BRSK2: variants seen among roughly 807,000 people sequenced by gnomAD.
The protein encoded by BRSK2 is BR serine/threonine kinase 2, also known as serine/threonine-protein kinase BRSK2.
Under a neutral mutation model 83.3 loss-of-function variants are expected in BRSK2, and 19 were observed. The observed-to-expected ratio is 0.23, with a 90% CI of 0.16 to 0.33. The LOEUF is 0.33. Among genes scored for constraint, BRSK2 ranks in the 10% least tolerant of loss-of-function variants. The pLI is 1.00. For synonymous variants in BRSK2, 519 were observed against 435.4 expected (o/e 1.19, Z -2.39); for missense variants, 798 against 1,042.3 (o/e 0.77, Z 3.23).
At chr11:1,441,130 G>A (rs1209658745) in intron 4 of BRSK2, among the ~76,000 whole-genome samples, 1 of 108,088 alleles carries the variant, frequency 9.3e-6, no homozygotes, top group Non-Finnish European at 1.8e-5. Flanking sequence ...CCCTCCATTA[G>A]CTACCCCTCA....
intron 3 of BRSK2, among the ~76,000 whole-genome samples, chr11:1,439,468 C>T (rs1337817531): frequency 2.7e-5 from 4 of 150,934 alleles, no homozygotes; most frequent in Non-Finnish European, 4.4e-5. Flanking sequence ...TGACAAGGGG[C>T]ATGGCTTCCT....
intron 18 of BRSK2, among the ~76,000 whole-genome samples, chr11:1,458,016 G>T (rs1023282798): frequency 1.3e-5 from 2 of 152,166 alleles, no homozygotes; most frequent in Admixed American, 6.5e-5. Flanking sequence ...GCCGTCGGCC[G>T]GCAGCAGCCT....
intron 4 of BRSK2, 77 bp from the exon 5 acceptor site, chr11:1,442,411 CTG>C: frequency 9.0e-7 from 1 of 1,113,870 alleles, no homozygotes; most frequent in Non-Finnish European, 1.4e-6. Context: ...GCAGTGGGCT[CTG>C]GGCAGGGGGT....
Position 1,443,519 on chromosome 11 carries a change from C to A in BRSK2, c.664C>A (p.Arg222=), listed in dbSNP as rs756897531. ...GALPFDDDNL[R]QLLEKVKRGV... is the part of the protein sequence containing the mutation. ...TCTGCCCTTCGACGATGACAACTTG[C>A]GACAGCTGCTGGAGAAGGTGAAGCG... Residue 222 remains arginine, a synonymous_variant, in exon 8 of 20, where the codon CGA becomes AGA. Transcript: ENST00000528841. 7.5e-6 allele frequency: 12 copies of A among 1,606,098 alleles called. No homozygotes were observed. The Admixed American group carries it at 1.7e-4, about 23-fold the overall frequency.
chr11:1,461,353 G>C lies in BRSK2; in HGVS notation c.*630G>C, dbSNP rs1010954607. The stretch of plus-strand genomic sequence containing the variant: ...AGGCCCGTGCCCCGCCTCCCTGGCT[G>C]CGCCGCCTCCGTGTAGTCTTGGCCT... On this transcript the variant is annotated 3_prime_UTR_variant, in exon 20 of 20. Transcript: ENST00000528841. The C allele has an allele frequency of 1.6e-4, 55 of 337,736 alleles. No individual in the cohort carries two copies. The highest frequency in any genetic ancestry group is 1.1e-3 in the African/African-American group (50 of 44,230). The allele number at this position is 337,736 out of a possible 1,614,324, so 20.9% of individuals were successfully genotyped here. A position where few individuals can be genotyped will look rare whatever the true frequency, so the allele number is the denominator to read the frequency against.
rs904375570 is a variant in BRSK2 at position 1,462,540 on chromosome 11, A to T, written c.*1817A>T. ...CCACGGAGATCGAGGACACGAAGCA[A>T]ACTGCCTCTTGCTTGCCTTCCCCTT... On this transcript the variant is annotated 3_prime_UTR_variant, in exon 20 of 20. Coordinates refer to ENST00000528841, the MANE Select transcript of BRSK2 (RefSeq NM_001256627.2). 2.6e-5 allele frequency: 4 copies of T among 152,274 alleles called. No homozygotes were observed. The highest frequency in any genetic ancestry group is 9.6e-5 in the African/African-American group (4 of 41,470). 9.4% of individuals were successfully genotyped at this position (152,274 alleles called of 1,614,324 possible). A position where few individuals can be genotyped will look rare whatever the true frequency, so the allele number is the denominator to read the frequency against.
intron 1 of BRSK2, among the ~76,000 whole-genome samples, chr11:1,428,284 C>T (rs1204297384): frequency 6.6e-6 from 1 of 152,204 alleles, no homozygotes; most frequent in Non-Finnish European, 1.5e-5. Context: ...CCACCTGCAG[C>T]CCCCAGACTC....
At chr11:1,460,461 C>G in intron 19 of BRSK2, 39 bp from the exon 20 acceptor site, 6 of 541,910 alleles carry the variant, frequency 1.1e-5, no homozygotes, top group South Asian at 4.2e-5. Flanking sequence ...TTCTTTTTTC[C>G]TTTTTTTTTT....
Position 1,445,837 on chromosome 11 carries a change from C to G in BRSK2, c.1156C>G (p.Leu386Val). 6.2e-7 allele frequency: 1 copy of G among 1,612,430 alleles called. No individual in the cohort carries two copies. The highest frequency in any genetic ancestry group is 1.1e-5 in the South Asian group (1 of 91,066). Residue 386 changes from leucine (L) to valine (V), a missense_variant, in exon 12 of 20, where the codon CTC becomes GTC. By Grantham distance (32) the Leu-to-Val change is conservative. Around this residue, in one of 6 missense-constraint regions of BRSK2, gnomAD observed 51 missense variants for 52.6 expected, o/e 0.97. Coordinates refer to ENST00000528841, the MANE Select transcript of BRSK2 (RefSeq NM_001256627.2). ...GCCAGAACGCAAATCCATGGAGGTG[C>G]TCAGCGTGACGGACGGCGGCTCCCC... ...RRPERKSMEV[L>V]SVTDGGSPVP...
Position 1,454,324 on chromosome 11 carries a change from G to A in BRSK2, c.1545-161G>A, listed in dbSNP as rs981248247. On this transcript the variant is annotated intron_variant, in intron 15 of 19. Coordinates refer to ENST00000528841, the MANE Select transcript of BRSK2 (RefSeq NM_001256627.2). This position sits in a 1 kb window ranked among gnomAD's most constrained non-coding sequence, Gnocchi z 5.2. ...AGGGCATATGGGCTAGGGTTAGGGC[G>A]TTGGGGTCAGGGCCATGGGTTCTGG... is the stretch of plus-strand genomic sequence containing the variant. 45 of 802,426 alleles carry A rather than the reference G, an allele frequency of 5.6e-5. No homozygotes were observed. Among genetic ancestry groups the A allele is most frequent in the South Asian group, 5.3e-4 (33 of 62,204 alleles). 49.7% of individuals were successfully genotyped at this position (802,426 alleles called of 1,614,324 possible).
intron 18 of BRSK2, 78 bp downstream of exon 18, chr11:1,456,765 G>A (rs528076912): frequency 2.6e-5 from 38 of 1,453,472 alleles, no homozygotes; most frequent in South Asian, 7.5e-5. Flanking sequence ...GACGGGAGGC[G>A]TGAGGACCCG....
chr11:1,404,300 T>A (rs1245206449), intron 1 of BRSK2, among the ~76,000 whole-genome samples: 2 of 152,196 alleles, frequency 1.3e-5, no homozygotes, highest in Admixed American at 6.5e-5. Context: ...CCCCGTGTCC[T>A]TGATGCTGCC....
Position 1,461,172 on chromosome 11 carries a change from C to T in BRSK2, c.*449C>T. On this transcript the variant is annotated 3_prime_UTR_variant, in exon 20 of 20. Transcript: ENST00000528841. ...AGGAAGGCCAGGCTCGGGGGAGCCT[C>T]CTCCAGCCCGGCCGACCCGGACTCC... The T allele has an allele frequency of 2.2e-6, 2 of 922,626 alleles. No homozygotes were observed. The highest frequency in any genetic ancestry group is 1.6e-6 in the Non-Finnish European group (1 of 639,066). The allele number at this position is 922,626 out of a possible 1,614,324, so 57.2% of individuals were successfully genotyped here. A position where few individuals can be genotyped will look rare whatever the true frequency, so the allele number is the denominator to read the frequency against.
chr11:1,391,278 C>G (rs987252813), intron 1 of BRSK2, among the ~76,000 whole-genome samples: 2 of 152,172 alleles, frequency 1.3e-5, no homozygotes, highest in African/African-American at 4.8e-5. Flanking sequence ...CGGCCTGTCT[C>G]TTGGTGTCCC....
rs1378656106 is a variant in BRSK2, at chr11:1,396,597, G to A, written c.91+6222G>A. ...CGTCGGCCACTGGCGCTCAGGAGGA[G>A]CCGTCGGGAAGGCCCCTTTGCCATC... On this transcript the variant is annotated intron_variant, in intron 1 of 19. Transcript: ENST00000528841. 2.0e-5 allele frequency among the ~76,000 whole-genome samples: 3 copies of A among 152,246 alleles called. No homozygotes were observed. In the East Asian group the frequency reaches 5.8e-4, roughly 29 times the overall value.
intron 1 of BRSK2, among the ~76,000 whole-genome samples, chr11:1,408,966 A>C (rs931310423): frequency 1.9e-5 from 2 of 104,890 alleles, no homozygotes; most frequent in Non-Finnish European, 4.4e-5. Context: ...TTGCCTGTGC[A>C]GGTGTGTGTG....
At chr11:1,397,317 G>C (rs553368898) in intron 1 of BRSK2, among the ~76,000 whole-genome samples, 3 of 152,144 alleles carry the variant, frequency 2.0e-5, no homozygotes, top group African/African-American at 7.2e-5. Flanking sequence ...GACAAAGCAC[G>C]GATTGTGCCA....
chr11:1,434,169 T>C (rs775081893), intron 1 of BRSK2, among the ~76,000 whole-genome samples: 8 of 152,152 alleles, frequency 5.3e-5, no homozygotes, highest in Non-Finnish European at 1.0e-4. Flanking sequence ...ACCCACACGG[T>C]CAGTAAACAC....
chr11:1,447,700 C>A (rs147214098), intron 12 of BRSK2: 3 of 1,115,922 alleles, frequency 2.7e-6, no homozygotes, highest in Admixed American at 4.0e-5. Context: ...CTCAGAGCCA[C>A]GTGGAGTTCT....
Sources: allele counts gnomAD v4.1 joint callset (sites outside exome capture counted in the v4.1 genomes callset), GRCh38; gene constraint gnomAD v4.1.1; regional missense constraint gnomAD v4.1.1; non-coding constraint Gnocchi (gnomAD v3.1); transcripts MANE v1.5; gene names NCBI Gene and HGNC (gene_info 2026-07-23, HGNC 2026-07-21).